ATP5PB: variants seen among roughly 807,000 people sequenced by gnomAD.
ATP5PB encodes ATP synthase peripheral stalk-membrane subunit b.
ATP5PB carries 21 observed loss-of-function variants against 34.5 expected under a neutral mutation model. The observed-to-expected ratio is 0.61, with a 90% confidence interval of 0.43 to 0.88. ATP5PB has a LOEUF of 0.88. Among genes scored for constraint, ATP5PB ranks in the 40% least tolerant of loss-of-function variants. ATP5PB has a pLI of 0.00. For missense variants in ATP5PB, 293 were observed against 317.4 expected (o/e 0.92, Z 0.58); for synonymous variants, 108 against 114.1 (o/e 0.95, Z 0.34).
At chr1:111,453,851 C>G (rs532589751) in intron 2 of ATP5PB, among the ~76,000 whole-genome samples, 60 of 152,288 alleles carry the variant, frequency 3.9e-4, no homozygotes, top group African/African-American at 1.3e-3. Context: ...GTTCTTTACT[C>G]AAAGTCAAGG....
intron 5 of ATP5PB, among the ~76,000 whole-genome samples, chr1:111,458,888 C>T (rs1201125314): frequency 1.3e-5 from 2 of 152,120 alleles, no homozygotes; most frequent in African/African-American, 2.4e-5. Context: ...AAAATGGATA[C>T]AATTATAATA....
chr1:111,461,709 G>A lies in ATP5PB; in HGVS notation c.*715G>A, dbSNP rs1391592078. On this transcript the variant is annotated 3_prime_UTR_variant, in exon 7 of 7. Transcript: ENST00000369722. ...GAGGTCAGGAGTTTGAAACCAGCCA[G>A]GCCAACACAGTGAAACCCTGTCTCT... 1 of 152,178 alleles carries A rather than the reference G, an allele frequency of 6.6e-6. No individual in the cohort carries two copies. Among genetic ancestry groups the A allele is most frequent in the Non-Finnish European group, 1.5e-5 (1 of 68,080 alleles). 9.4% of individuals were successfully genotyped at this position (152,178 alleles called of 1,614,324 possible). A position where few individuals can be genotyped will look rare whatever the true frequency, so the allele number is the denominator to read the frequency against.
chr1:111,454,032 C>T (rs1361926357), intron 2 of ATP5PB, among the ~76,000 whole-genome samples, 179 bp from the exon 3 acceptor site: 1 of 152,226 alleles, frequency 6.6e-6, no homozygotes, highest in African/African-American at 2.4e-5. Flanking sequence ...TAATTCTTTG[C>T]TGTTGTCACA....
chr1:111,453,486 A>G (rs925675791), intron 2 of ATP5PB, among the ~76,000 whole-genome samples: 26 of 152,226 alleles, frequency 1.7e-4, no homozygotes, highest in African/African-American at 6.3e-4. Context: ...ACCCAGGTAC[A>G]TGTGTGTTAT....
chr1:111,460,487 A>G (rs1653590466), intron 6 of ATP5PB, among the ~76,000 whole-genome samples: 1 of 148,678 alleles, frequency 6.7e-6, no homozygotes, highest in Admixed American at 6.7e-5. Context: ...ATATATGCTT[A>G]CTTAAGAAAC....
intron 3 of ATP5PB, among the ~76,000 whole-genome samples, chr1:111,455,147 G>A (rs556528608): frequency 1.3e-5 from 2 of 151,624 alleles, no homozygotes; most frequent in African/African-American, 4.9e-5. Context: ...ATTGGAAACC[G>A]AAGATTGTTT....
chr1:111,460,751 A>G (rs1414551411), intron 6 of ATP5PB, among the ~76,000 whole-genome samples, 166 bp from the exon 7 acceptor site: 1 of 152,180 alleles, frequency 6.6e-6, no homozygotes, highest in Non-Finnish European at 1.5e-5. Flanking sequence ...CCTCTGTGTT[A>G]ATTAATTTTA....
chr1:111,456,951 T>C (rs566258601), intron 5 of ATP5PB, among the ~76,000 whole-genome samples, 196 bp downstream of exon 5: 1 of 152,304 alleles, frequency 6.6e-6, no homozygotes, highest in East Asian at 1.9e-4. Flanking sequence ...CAAATTATTA[T>C]AAAATTAGAA....
chr1:111,456,884 G>C, intron 5 of ATP5PB, 129 bp downstream of exon 5: 1 of 1,200,040 alleles, frequency 8.3e-7, no homozygotes, highest in Non-Finnish European at 1.1e-6. Flanking sequence ...GATTTGTGTA[G>C]GAGTTGGCAT....
Position 111,456,186 on chromosome 1 carries a change from A to G in ATP5PB, c.324A>G (p.Val108=). The change falls in exon 4 of 7, where the codon GTA becomes GTG. Residue 108 remains valine, a synonymous_variant. Coordinates refer to ENST00000369722, the MANE Select transcript of ATP5PB (RefSeq NM_001688.5). Reference sequence around the variant, plus strand: ...TCACTGCCCTATCAGTACTAGGTGTAATGGTCTATGGAATTAAAAAATATG... The same window carrying G: ...TCACTGCCCTATCAGTACTAGGTGTGATGGTCTATGGAATTAAAAAATATG... ...ETFTALSVLG[V]MVYGIKKYGP... 6.2e-7 allele frequency: 1 copy of G among 1,612,454 alleles called. No homozygotes were observed. Among genetic ancestry groups the G allele is most frequent in the South Asian group, 1.1e-5 (1 of 90,798 alleles).
chr1:111,454,097 A>G (rs976407441), intron 2 of ATP5PB, 114 bp from the exon 3 acceptor site: 20 of 1,143,816 alleles, frequency 1.7e-5, no homozygotes, highest in East Asian at 5.5e-5. Flanking sequence ...TTCCATTATG[A>G]GAGTTAGAAA....
rs1260974958 is a variant in ATP5PB at position 111,462,105 on chromosome 1, C to CA, written c.*1118dup. On this transcript the variant is annotated 3_prime_UTR_variant, in exon 7 of 7. Transcript: ENST00000369722. ...AGCAATCCCAGTCGACATATATACT[C>CA]AAAAAAATTAAAAGCAGGGTCTTGA... The CA allele has an allele frequency of 6.6e-6, 1 of 152,072 alleles. No homozygotes were observed. Among genetic ancestry groups the CA allele is most frequent in the African/African-American group, 2.4e-5 (1 of 41,404 alleles). The allele number at this position is 152,072 out of a possible 1,614,324, so 9.4% of individuals were successfully genotyped here. A position where few individuals can be genotyped will look rare whatever the true frequency, so the allele number is the denominator to read the frequency against.
At chr1:111,457,226 C>T (rs1653497587) in intron 5 of ATP5PB, among the ~76,000 whole-genome samples, 1 of 151,998 alleles carries the variant, frequency 6.6e-6, no homozygotes, top group South Asian at 2.1e-4. Context: ...GGCAGCAGGA[C>T]TGCTTGCACC....
chr1:111,449,893 T>C lies in ATP5PB; in HGVS notation c.77+20T>C, dbSNP rs778794022. On this transcript the variant is annotated intron_variant, in intron 2 of 6. Transcript: ENST00000369722. The stretch of plus-strand genomic sequence containing the variant: ...TCCAGGGTAAGTGTGAGGATAATGC[T>C]CCCTTTCGTCTTTGTTTTCACTACC... 8.7e-6 allele frequency: 14 copies of C among 1,613,894 alleles called. No homozygotes were observed. Among genetic ancestry groups the C allele is most frequent in the South Asian group, 2.2e-5 (2 of 91,086 alleles).
intron 1 of ATP5PB, 46 bp from the exon 2 acceptor site, chr1:111,449,791 C>G: frequency 6.2e-7 from 1 of 1,613,722 alleles, no homozygotes; most frequent in Non-Finnish European, 8.5e-7. Context: ...AAAGGGCAAA[C>G]CAGATTTCAT....
intron 2 of ATP5PB, among the ~76,000 whole-genome samples, chr1:111,452,339 G>A (rs1442184219): frequency 1.3e-5 from 2 of 151,970 alleles, no homozygotes; most frequent in African/African-American, 4.8e-5. Flanking sequence ...AGGCCGAGAC[G>A]GCAGATCACA....
At chr1:111,454,083 C>G in intron 2 of ATP5PB, 128 bp from the exon 3 acceptor site, 6 of 1,033,574 alleles carry the variant, frequency 5.8e-6, no homozygotes, top group South Asian at 2.2e-5. Flanking sequence ...CCAGTCCATT[C>G]TCTTTCCATT....
chr1:111,459,344 G>T (rs894222806), intron 5 of ATP5PB, 113 bp from the exon 6 acceptor site: 2 of 1,026,840 alleles, frequency 1.9e-6, no homozygotes, highest in Middle Eastern at 3.3e-4. Flanking sequence ...TTAAATAAAA[G>T]AATTTCACGT....
intron 3 of ATP5PB, among the ~76,000 whole-genome samples, chr1:111,455,670 G>C (rs957824357): frequency 2.6e-5 from 4 of 152,076 alleles, no homozygotes; most frequent in Admixed American, 6.6e-5. Flanking sequence ...ATTTTATCCG[G>C]TCTAGTGTCC....
Sources: allele counts gnomAD v4.1 joint callset (sites outside exome capture counted in the v4.1 genomes callset), GRCh38; gene constraint gnomAD v4.1.1; transcripts MANE v1.5; gene names NCBI Gene and HGNC (gene_info 2026-07-23, HGNC 2026-07-21).